STMN4: variants seen among roughly 807,000 people sequenced by gnomAD.
STMN4 encodes the protein stathmin 4, also known as stathmin-4.
A neutral mutation model predicts 29.1 loss-of-function variants in STMN4; 12 were observed. The ratio of observed to expected loss-of-function variants is 0.41; its 90% CI spans 0.26 to 0.67. The LOEUF (loss-of-function observed/expected upper bound fraction) is 0.67. Ranked by LOEUF, STMN4 falls within the 30% of genes least tolerant of loss-of-function variation. STMN4 has a pLI of 0.30. For missense variants in STMN4, 181 were observed against 262.8 expected (o/e 0.69, Z 2.15); for synonymous variants, 114 against 105.3 (o/e 1.08, Z -0.51).
chr8:27,242,535 C>A lies in STMN4; in HGVS notation c.14-43G>T, dbSNP rs191650514. ...CAGGTGAGGATGGCGCCTCTCCTAG[C>A]CTCAGAAGTCAGCGTCCTCACGGGT... is the stretch of plus-strand genomic sequence containing the variant. On this transcript the variant is annotated intron_variant, in intron 2 of 6. Transcript: ENST00000350889. 14,435 of 1,601,252 alleles carry A rather than the reference C, an allele frequency of 9.0e-3. 82 individuals are homozygous for A. Among genetic ancestry groups the A allele is most frequent in the Non-Finnish European group, 0.011 (12,831 of 1,170,096 alleles).
intron 6 of STMN4, among the ~76,000 whole-genome samples, chr8:27,238,925 T>C (rs1474285501): frequency 6.6e-6 from 1 of 152,254 alleles, no homozygotes; most frequent in Non-Finnish European, 1.5e-5. Context: ...CTCAGGGCCA[T>C]GCCCATCTTA....
intron 1 of STMN4, among the ~76,000 whole-genome samples, chr8:27,257,459 A>ACAC (rs1801974736): frequency 5.1e-5 from 7 of 137,720 alleles, no homozygotes; most frequent in East Asian, 2.2e-4. Context: ...CCCCCATACA[A>ACAC]ACACACACAC....
Position 27,236,697 on chromosome 8 carries a change from C to T in STMN4, c.*149G>A. On this transcript the variant is annotated 3_prime_UTR_variant, in exon 7 of 7. Coordinates refer to ENST00000350889, the MANE Select transcript of STMN4 (RefSeq NM_030795.4). ...TTCACTGGTCAATTCTTAACATGTA[C>T]AAACACCAAAAGCAGAGGAAACGCC... 1.6e-6 allele frequency: 1 copy of T among 623,352 alleles called. No homozygotes were observed. Among genetic ancestry groups the T allele is most frequent in the South Asian group, 2.5e-5 (1 of 40,154 alleles). 38.6% of individuals were successfully genotyped at this position (623,352 alleles called of 1,614,324 possible). A position where few individuals can be genotyped will look rare whatever the true frequency, so the allele number is the denominator to read the frequency against.
intron 6 of STMN4, chr8:27,239,540 A>C (rs1044180327): frequency 4.7e-5 from 34 of 729,132 alleles, no homozygotes; most frequent in East Asian, 3.6e-4. Context: ...TTTCCTGCTC[A>C]GTGGGAATCT....
rs141848542 is a variant in STMN4 at position 27,237,946 on chromosome 8, G to A, written c.592-1041C>T. Among the ~76,000 whole-genome samples the A allele has an allele frequency of 1.6e-4, 25 of 152,270 alleles. No homozygotes were observed. In the East Asian group the frequency reaches 4.8e-3, roughly 29 times the overall value. On this transcript the variant is annotated intron_variant, in intron 6 of 6. Transcript: ENST00000350889. ...ACATGGCAAGCACTCAACCAATGTT[G>A]TCCCTCCCAGAGCCTGGCACTGTCA...
rs559083424 is a variant in STMN4, at chr8:27,252,023, G to A, written c.-79+6328C>T. Among the ~76,000 whole-genome samples, 5 of 150,946 alleles carry A rather than the reference G, an allele frequency of 3.3e-5. 1 individual carries two copies. Among genetic ancestry groups the A allele is most frequent in the African/African-American group, 1.2e-4 (5 of 40,608 alleles). On this transcript the variant is annotated intron_variant, in intron 1 of 6. Transcript: ENST00000350889. ...CCCCTTCCTGTGTCCATGTGATCTCGTTGTTCAATTCCCACCTATGAGTGA... is the reference window on the plus strand; with the variant it reads ...CCCCTTCCTGTGTCCATGTGATCTCATTGTTCAATTCCCACCTATGAGTGA...
At chr8:27,237,743 G>A (rs1444652934) in intron 6 of STMN4, among the ~76,000 whole-genome samples, 1 of 152,166 alleles carries the variant, frequency 6.6e-6, no homozygotes, top group Non-Finnish European at 1.5e-5. Context: ...CTCCAACCAG[G>A]CCTCAGTTCT....
chr8:27,242,182 G>A (rs1365264188), intron 3 of STMN4: 5 of 591,886 alleles, frequency 8.4e-6, no homozygotes, highest in Non-Finnish European at 1.5e-5. Flanking sequence ...ACTCTGGGGG[G>A]CGCCTGATGC....
intron 5 of STMN4, 93 bp downstream of exon 5, chr8:27,240,961 T>C (rs1360807137): frequency 2.3e-6 from 3 of 1,276,912 alleles, no homozygotes; most frequent in Non-Finnish European, 3.2e-6. Context: ...AGATTGGTGA[T>C]GAGCTTATCC....
Position 27,240,064 on chromosome 8 carries a change from C to T in STMN4, c.498G>A (p.Lys166=). The T allele has an allele frequency of 6.2e-7, 1 of 1,614,222 alleles. No individual in the cohort carries two copies. The highest frequency in any genetic ancestry group is 8.5e-7 in the Non-Finnish European group (1 of 1,180,052). ...TCTGGGCCAGTTTTTCCTTAGCCATCTTGATGAAGTTGTTGTTTTCCTCAA... is the reference window on the plus strand; with the variant it reads ...TCTGGGCCAGTTTTTCCTTAGCCATTTTGATGAAGTTGTTGTTTTCCTCAA... ...KAIEENNNFI[K]MAKEKLAQKM... Residue 166 remains lysine, a synonymous_variant, in exon 6 of 7, where the codon AAG becomes AAA. Transcript: ENST00000350889.
chr8:27,239,737 T>A, intron 6 of STMN4: 5 of 1,468,626 alleles, frequency 3.4e-6, no homozygotes, highest in Non-Finnish European at 4.5e-6. Context: ...AGGATTTTAA[T>A]TGTGTAACTG....
At chr8:27,239,938 C>T (rs199943155) in intron 6 of STMN4, 33 bp downstream of exon 6, 3 of 1,614,150 alleles carry the variant, frequency 1.9e-6, no homozygotes, top group Middle Eastern at 1.6e-4. Context: ...CAGCATGTCC[C>T]AGGAAACTCC....
At chr8:27,238,929 C>T (rs959784234) in intron 6 of STMN4, among the ~76,000 whole-genome samples, 3 of 152,260 alleles carry the variant, frequency 2.0e-5, no homozygotes, top group African/African-American at 7.2e-5. Flanking sequence ...GGGCCATGCC[C>T]ATCTTAGCCC....
Position 27,241,085 on chromosome 8 carries a change from T to G in STMN4, c.368A>C (p.Lys123Thr). 1 of 1,614,156 alleles carries G rather than the reference T, an allele frequency of 6.2e-7. No individual in the cohort carries two copies. Among genetic ancestry groups the G allele is most frequent in the Non-Finnish European group, 8.5e-7 (1 of 1,180,010 alleles). Residue 123 changes from lysine (K) to threonine (T), a missense_variant, in exon 5 of 7, where the codon AAG becomes ACG. Transcript: ENST00000350889. Reference sequence around the variant, plus strand: ...TCGCTCCTCAGCCGCTTCTAGTTTCTTCTGGATCTCTTCCAGGGATGGGTC... The same window carrying G: ...TCGCTCCTCAGCCGCTTCTAGTTTCGTCTGGATCTCTTCCAGGGATGGGTC... ...RRDPSLEEIQ[K>T]KLEAAEERRK...
rs1586023247 is a variant in STMN4, at chr8:27,254,658, A to G, written c.-79+3693T>C. On this transcript the variant is annotated intron_variant, in intron 1 of 6. Coordinates refer to ENST00000350889, the MANE Select transcript of STMN4 (RefSeq NM_030795.4). ...TGTAGGGGGTGGGGTGGGAGTGTTCAGATGTGGGGGTTCATGTGTGTGTAG... is the reference window on the plus strand; with the variant it reads ...TGTAGGGGGTGGGGTGGGAGTGTTCGGATGTGGGGGTTCATGTGTGTGTAG... Among the ~76,000 whole-genome samples the G allele has an allele frequency of 2.1e-5, 3 of 143,480 alleles. No homozygotes were observed. The East Asian group carries it at 6.3e-4, about 30-fold the overall frequency. 94.1% of individuals were successfully genotyped at this position (143,480 alleles called of 152,430 possible).
At chr8:27,243,261 T>C (rs1801528156) in intron 2 of STMN4, among the ~76,000 whole-genome samples, 1 of 152,132 alleles carries the variant, frequency 6.6e-6, no homozygotes, top group African/African-American at 2.4e-5. Context: ...TTTGTTGAGA[T>C]GAGGGTCTCA....
intron 2 of STMN4, 93 bp downstream of exon 2, chr8:27,243,618 G>T: frequency 1.4e-6 from 2 of 1,379,494 alleles, no homozygotes; most frequent in Non-Finnish European, 1.0e-6. Context: ...TGTGCTTCCT[G>T]CCAGCTGTGT....
At chr8:27,241,632 A>G (rs1563414154) in intron 4 of STMN4, 45 bp downstream of exon 4, 1 of 1,595,758 alleles carries the variant, frequency 6.3e-7, no homozygotes, top group Non-Finnish European at 8.6e-7. Flanking sequence ...GCCACAGCCC[A>G]TCTGACGCTC....
chr8:27,237,030 C>T (rs562330253), intron 6 of STMN4, 125 bp from the exon 7 acceptor site: 35 of 1,058,878 alleles, frequency 3.3e-5, no homozygotes, highest in African/African-American at 4.8e-5. Flanking sequence ...GCTCTGTCTG[C>T]AAAGGCATCC....
Sources: gnomAD v4.1 joint callset for allele counts (sites outside exome capture counted in the v4.1 genomes callset) on GRCh38, gnomAD v4.1.1 for gene constraint, MANE v1.5 for transcripts, NCBI Gene and HGNC (gene_info 2026-07-23, HGNC 2026-07-21) for gene names.